Variants in PGR observed in about 807,000 individuals in gnomAD.
The protein encoded by PGR is progesterone receptor, also known as nuclear receptor subfamily 3 group C member 3.
Under a neutral mutation model 76.1 loss-of-function variants are expected in PGR, and 25 were observed. That is an observed-to-expected ratio of 0.33 (90% CI 0.24 to 0.46). The LOEUF (loss-of-function observed/expected upper bound fraction) is 0.46. Among genes scored for constraint, PGR ranks in the 20% least tolerant of loss-of-function variants. PGR has a pLI of 1.00. For synonymous variants in PGR, 579 were observed against 535.0 expected (o/e 1.08, Z -1.14); for missense variants, 1,172 against 1,225.3 (o/e 0.96, Z 0.65).
At chr11:101,073,852 CA>C (rs1208095612) in intron 3 of PGR, among the ~76,000 whole-genome samples, 1 of 151,898 alleles carries the variant, frequency 6.6e-6, no homozygotes, top group Admixed American at 6.6e-5. Flanking sequence ...GCCTACCAAC[CA>C]AAAAAACCCC....
chr11:101,069,704 T>C (rs1432108594), intron 3 of PGR, among the ~76,000 whole-genome samples: 1 of 152,164 alleles, frequency 6.6e-6, no homozygotes, highest in East Asian at 1.9e-4. Flanking sequence ...TTCATGTCTT[T>C]TGCAGGGACA....
chr11:101,128,849 C>T lies in PGR; in HGVS notation c.222G>A (p.Thr74=). The change falls in exon 1 of 8, where the codon ACG becomes ACA. Residue 74 remains threonine (T), a synonymous_variant. Coordinates refer to ENST00000325455, the MANE Select transcript of PGR (RefSeq NM_000926.4). Reference sequence around the variant, plus strand: ...CGTCCGACAGCGACTGCTGGTCCTGCGTCTTTTCGTCGGAGGGGTCCTGTC... The same window carrying T: ...CGTCCGACAGCGACTGCTGGTCCTGTGTCTTTTCGTCGGAGGGGTCCTGTC... ...CQGQDPSDEK[T]QDQQSLSDVE... is the part of the protein sequence containing the mutation. The T allele has an allele frequency of 6.2e-7, 1 of 1,614,148 alleles. No homozygotes were observed. Among genetic ancestry groups the T allele is most frequent in the Non-Finnish European group, 8.5e-7 (1 of 1,180,034 alleles).
intron 3 of PGR, among the ~76,000 whole-genome samples, chr11:101,082,049 C>T (rs1316522265): frequency 6.6e-6 from 1 of 152,084 alleles, no homozygotes; most frequent in African/African-American, 2.4e-5. Context: ...GGCACATTTC[C>T]CCCATACTGT....
chr11:101,117,851 T>C (rs1337502282), intron 2 of PGR, among the ~76,000 whole-genome samples: 2 of 152,148 alleles, frequency 1.3e-5, no homozygotes, highest in Admixed American at 1.3e-4. Flanking sequence ...AACTTCTGAG[T>C]CTTTGCTTAC....
At chr11:101,042,336 G>A (rs1434796237) in intron 6 of PGR, among the ~76,000 whole-genome samples, 2 of 152,118 alleles carry the variant, frequency 1.3e-5, no homozygotes, top group Non-Finnish European at 2.9e-5. Flanking sequence ...GAACACTTCA[G>A]CTGACCTATT....
chr11:101,074,730 G>A (rs954513575), intron 3 of PGR, among the ~76,000 whole-genome samples: 3 of 152,114 alleles, frequency 2.0e-5, no homozygotes, highest in African/African-American at 7.2e-5. Context: ...ATTCACAATT[G>A]CTACAAAAGG....
At chr11:101,059,842 C>CAAAAAAAAAAAAAA (rs781123527) in intron 4 of PGR, among the ~76,000 whole-genome samples, 27 of 62,644 alleles carry the variant, frequency 4.3e-4, no homozygotes, top group African/African-American at 8.0e-4. Flanking sequence ...GACCCTCTCT[C>CAAAAAAAAAAAAAA]AAAAAAAAAA....
rs777853563 is a variant in PGR at position 101,128,478 on chromosome 11, G to A, written c.593C>T (p.Pro198Leu). ...GLSPARQLLL[P>L]ASESPHWSGA... ...GGACCAGTGAGGGCTCTCAGAGGCC[G>A]GGAGCAGCAGCTGCCGGGCTGGTGA... The change falls in exon 1 of 8, where the codon CCG becomes CTG. Residue 198 changes from proline to leucine, a missense_variant. This residue lies in a region of PGR where 893 missense variants were observed against 785.9 expected (regional missense o/e 1.14). Transcript: ENST00000325455. 1.4e-5 allele frequency: 22 copies of A among 1,607,326 alleles called. No individual in the cohort carries two copies. The highest frequency in any genetic ancestry group is 1.6e-5 in the Non-Finnish European group (19 of 1,179,244).
chr11:101,088,294 G>C (rs1373713639), intron 3 of PGR, among the ~76,000 whole-genome samples: 1 of 152,156 alleles, frequency 6.6e-6, no homozygotes, highest in Non-Finnish European at 1.5e-5. Flanking sequence ...ATGTAAATTA[G>C]TTCTGCCACG....
At chr11:101,069,697 A>G (rs568620793) in intron 3 of PGR, among the ~76,000 whole-genome samples, 1 of 152,342 alleles carries the variant, frequency 6.6e-6, no homozygotes, top group East Asian at 1.9e-4. Flanking sequence ...GGATGAGTTC[A>G]TGTCTTTTGC....
intron 2 of PGR, among the ~76,000 whole-genome samples, chr11:101,094,428 T>C (rs1219918705): frequency 6.6e-6 from 1 of 152,248 alleles, no homozygotes; most frequent in Non-Finnish European, 1.5e-5. Flanking sequence ...CTCTCTTTTC[T>C]GACTCTTGAC....
In PGR at chr11:101,033,217, C is replaced by T. The variant is rs950633800; in HGVS notation, c.*5899G>A. ...CTGCCATGTGAAAATCTCTTCCTAT[C>T]CCTAATCATAGCAAATTCAGGGCTT... On this transcript the variant is annotated 3_prime_UTR_variant, in exon 8 of 8. Transcript: ENST00000325455. 8 of 208,582 alleles carry T rather than the reference C, an allele frequency of 3.8e-5. No homozygotes were observed. The highest frequency in any genetic ancestry group is 6.8e-5 in the Non-Finnish European group (7 of 102,440). The allele number at this position is 208,582 out of a possible 1,614,324, so 12.9% of individuals were successfully genotyped here. A position where few individuals can be genotyped will look rare whatever the true frequency, so the allele number is the denominator to read the frequency against.
chr11:101,045,523 T>C (rs1354626618), intron 6 of PGR, among the ~76,000 whole-genome samples: 1 of 152,182 alleles, frequency 6.6e-6, no homozygotes, highest in Non-Finnish European at 1.5e-5. Context: ...ATGCATTATT[T>C]AGCTCCCACT....
At chr11:101,051,185 ATTTAAG>A (rs1470410161) in intron 5 of PGR, among the ~76,000 whole-genome samples, 8 of 152,218 alleles carry the variant, frequency 5.3e-5, no homozygotes, top group African/African-American at 1.2e-4. Flanking sequence ...TTAATGAAAC[ATTTAAG>A]TTTATCTTTA....
chr11:101,072,813 AT>A (rs1397449338), intron 3 of PGR, among the ~76,000 whole-genome samples: 2 of 152,210 alleles, frequency 1.3e-5, no homozygotes, highest in Non-Finnish European at 2.9e-5. Flanking sequence ...GAGCATTCAG[AT>A]TCATAAAGCA....
At position 101,034,779 on chromosome 11, in the gene PGR, A is replaced by G. The variant is rs1415190942; in HGVS notation, c.*4337T>C. ...ATGGATGTTGACTAATCTGGCTTGG[A>G]TTATATTTTATAATATGGGTGAAGA... On this transcript the variant is annotated 3_prime_UTR_variant, in exon 8 of 8. Transcript: ENST00000325455. The G allele has an allele frequency of 5.7e-6, 1 of 176,658 alleles. No homozygotes were observed. Among genetic ancestry groups the G allele is most frequent in the African/African-American group, 2.4e-5 (1 of 42,200 alleles). 10.9% of individuals were successfully genotyped at this position (176,658 alleles called of 1,614,324 possible). A position where few individuals can be genotyped will look rare whatever the true frequency, so the allele number is the denominator to read the frequency against.
intron 3 of PGR, among the ~76,000 whole-genome samples, chr11:101,064,751 A>G (rs983484068): frequency 2.0e-5 from 3 of 152,172 alleles, no homozygotes; most frequent in African/African-American, 4.8e-5. Context: ...CACTCTGAAT[A>G]TCTTGTCTTT....
chr11:101,098,903 A>G (rs758161672), intron 2 of PGR, among the ~76,000 whole-genome samples: 2 of 152,222 alleles, frequency 1.3e-5, no homozygotes, highest in Non-Finnish European at 2.9e-5. Flanking sequence ...GGTGAGGACA[A>G]AAATCATTTA....
Position 101,102,805 on chromosome 11 carries a change from G to A in PGR, c.1790-10929C>T, listed in dbSNP as rs532843804. ...AGAACAGCAGTCCCTAATCTTTTTT[G>A]CACCAGGGACAGGTTTCATGAAAGA... On this transcript the variant is annotated intron_variant, in intron 2 of 7. Coordinates refer to ENST00000325455, the MANE Select transcript of PGR (RefSeq NM_000926.4). 6.5e-3 allele frequency among the ~76,000 whole-genome samples: 883 copies of A among 136,250 alleles called. 11 individuals carry two copies. Among genetic ancestry groups the A allele is most frequent in the African/African-American group, 0.022 (835 of 37,554 alleles). 89.4% of individuals were successfully genotyped at this position (136,250 alleles called of 152,430 possible). A position where few individuals can be genotyped will look rare whatever the true frequency, so the allele number is the denominator to read the frequency against.
Sources: gnomAD v4.1 joint callset for allele counts (sites outside exome capture counted in the v4.1 genomes callset) on GRCh38, gnomAD v4.1.1 for gene constraint, gnomAD v4.1.1 regional missense constraint, MANE v1.5 for transcripts, NCBI Gene and HGNC (gene_info 2026-07-23, HGNC 2026-07-21) for gene names.